PRSS23: variants seen among roughly 807,000 people sequenced by gnomAD.
PRSS23 encodes the protein protease, serine 23.
In PRSS23, 25 loss-of-function variants were observed where a neutral mutation model predicts 34.7. The ratio of observed to expected loss-of-function variants is 0.72; its 90% CI spans 0.53 to 1.01. The LOEUF is 1.01. PRSS23 is among the 50% of genes least tolerant of loss of function. PRSS23 has a pLI of 0.00. For synonymous variants in PRSS23, 176 were observed against 186.6 expected, an observed-to-expected ratio of 0.94 and a Z score of 0.46; for missense variants, 445 against 475.6, an observed-to-expected ratio of 0.94 and a Z score of 0.60.
intron 2 of PRSS23, among the ~76,000 whole-genome samples, chr11:86,869,030 C>T (rs1236170207): frequency 1.3e-5 from 2 of 152,102 alleles, no homozygotes; most frequent in Admixed American, 6.5e-5. Context: ...CCGGGCTGCT[C>T]TAAAAGTCCT....
intron 2 of PRSS23, among the ~76,000 whole-genome samples, chr11:86,928,072 G>A (rs1407629223): frequency 2.7e-5 from 4 of 150,720 alleles, no homozygotes; most frequent in Non-Finnish European, 2.9e-5. Context: ...CTACATAGAT[G>A]TATGTATGTA....
rs191130393 is a variant in PRSS23, at chr11:86,861,262, G to A, written c.206+37669G>A. Among the ~76,000 whole-genome samples the A allele has an allele frequency of 2.7e-4, 41 of 149,502 alleles. 1 individual carries two copies. Among genetic ancestry groups the A allele is most frequent in the South Asian group, 1.3e-3 (6 of 4,652 alleles). On this transcript the variant is annotated intron_variant, in intron 2 of 2. Transcript: ENST00000533902. ...GGGGGGCGATATTACTCTCAATGTCGCGGGGGGTGTCCACCCCCCTGTGAT... is the reference window on the plus strand; with the variant it reads ...GGGGGGCGATATTACTCTCAATGTCACGGGGGGTGTCCACCCCCCTGTGAT...
chr11:86,845,254 C>G (rs1948478265), intron 2 of PRSS23, among the ~76,000 whole-genome samples: 1 of 152,182 alleles, frequency 6.6e-6, no homozygotes, highest in Non-Finnish European at 1.5e-5. Context: ...GCAAAAGAAA[C>G]TCACTTGTTC....
At chr11:86,883,063 T>C (rs1948781580) in intron 2 of PRSS23, among the ~76,000 whole-genome samples, 1 of 152,248 alleles carries the variant, frequency 6.6e-6, no homozygotes, top group African/African-American at 2.4e-5. Flanking sequence ...TGTTTCTTTC[T>C]GGTAAATTTG....
rs146895719 is a variant in PRSS23, at chr11:86,951,747, G to T, written c.*462G>T. The T allele has an allele frequency of 1.1e-4, 184 of 1,614,036 alleles. No homozygotes were observed. The highest frequency in any genetic ancestry group is 1.4e-4 in the Non-Finnish European group (171 of 1,180,024). On this transcript the variant is annotated 3_prime_UTR_variant, in exon 3 of 3. Transcript: ENST00000533902. ...GAGCTGTGCATTTCAATGGCTTCAT[G>T]ACCCCATTTGAGTCCTGCTGCCAAA...
intron 2 of PRSS23, among the ~76,000 whole-genome samples, chr11:86,876,544 T>A (rs185182335): frequency 2.9e-4 from 44 of 152,280 alleles, no homozygotes; most frequent in African/African-American, 1.0e-3. Flanking sequence ...TAGTCTTGCC[T>A]CACTAACCAA....
At chr11:86,841,285 G>A (rs527971348) in intron 2 of PRSS23, among the ~76,000 whole-genome samples, 1 of 141,224 alleles carries the variant, frequency 7.1e-6, no homozygotes, top group Non-Finnish European at 1.5e-5. Context: ...GTTGCAATGA[G>A]CCAAGATTGA....
chr11:86,918,152 A>C (rs76420145), intron 2 of PRSS23, among the ~76,000 whole-genome samples: 8,304 of 152,292 alleles, frequency 0.055, 392 homozygotes, highest in African/African-American at 0.13. Context: ...ACCTTCACAA[A>C]GGATGAGCTC....
intron 2 of PRSS23, among the ~76,000 whole-genome samples, chr11:86,880,245 C>T (rs868316264): frequency 2.2e-4 from 33 of 151,216 alleles, no homozygotes; most frequent in African/African-American, 7.3e-4. Context: ...TGCTTGAAGG[C>T]AGCATGCTCA....
intron 2 of PRSS23, among the ~76,000 whole-genome samples, chr11:86,898,875 G>C (rs1321514401): frequency 1.3e-5 from 2 of 152,118 alleles, no homozygotes; most frequent in African/African-American, 4.8e-5. Flanking sequence ...GGTAGTCATG[G>C]GCACTCATCT....
intron 2 of PRSS23, chr11:86,946,722 G>A (rs1049048974): frequency 6.6e-6 from 1 of 152,534 alleles, no homozygotes; most frequent in Non-Finnish European, 1.5e-5. Context: ...TCTAACCCTG[G>A]AGGAAAAGTG....
chr11:86,923,633 TTAGAC>T (rs756273250), intron 2 of PRSS23, among the ~76,000 whole-genome samples: 3 of 152,206 alleles, frequency 2.0e-5, no homozygotes, highest in Non-Finnish European at 2.9e-5. Flanking sequence ...CATATGAACT[TTAGAC>T]TACAGTTTCT....
At chr11:86,903,426 T>C (rs1165031067) in intron 2 of PRSS23, among the ~76,000 whole-genome samples, 1 of 151,916 alleles carries the variant, frequency 6.6e-6, no homozygotes, top group African/African-American at 2.4e-5. Flanking sequence ...CCCAGCCCTA[T>C]ACAGTACCAC....
At chr11:86,938,465 C>T (rs1949179194) in intron 2 of PRSS23, among the ~76,000 whole-genome samples, 1 of 150,882 alleles carries the variant, frequency 6.6e-6, no homozygotes. Context: ...AGGAGTCCAG[C>T]ATGCAGGAGC....
rs536833570 is a variant in PRSS23, at chr11:86,938,707, T to A, written c.207-12509T>A. 6.4e-4 allele frequency among the ~76,000 whole-genome samples: 95 copies of A among 148,696 alleles called. 1 individual carries two copies. Among genetic ancestry groups the A allele is most frequent in the African/African-American group, 2.1e-3 (85 of 40,294 alleles). On this transcript the variant is annotated intron_variant, in intron 2 of 2. Transcript: ENST00000533902. ...GTGGTGCAAGGAGGCCAGATAGTCATCTGTCCTGGATGGCCTTCCGAGGGG... is the reference window on the plus strand; with the variant it reads ...GTGGTGCAAGGAGGCCAGATAGTCAACTGTCCTGGATGGCCTTCCGAGGGG...
chr11:86,793,949 T>C (rs1947966196), intron 1 of PRSS23, among the ~76,000 whole-genome samples: 1 of 152,072 alleles, frequency 6.6e-6, no homozygotes, highest in Non-Finnish European at 1.5e-5. Context: ...TAAGTTAAAC[T>C]TACAAATCTA....
At chr11:86,883,095 G>T (rs1326442623) in intron 2 of PRSS23, among the ~76,000 whole-genome samples, 1 of 152,104 alleles carries the variant, frequency 6.6e-6, no homozygotes, top group Admixed American at 6.6e-5. Context: ...TATAGATGCT[G>T]GATATTAGAC....
intron 2 of PRSS23, among the ~76,000 whole-genome samples, chr11:86,868,074 A>C (rs916493521): frequency 2.6e-5 from 4 of 151,912 alleles, no homozygotes; most frequent in Non-Finnish European, 5.9e-5. Context: ...GGAGGAAAAA[A>C]AAGTGAAGCC....
chr11:86,884,286 C>T (rs947396615), intron 2 of PRSS23, among the ~76,000 whole-genome samples: 1 of 152,108 alleles, frequency 6.6e-6, no homozygotes, highest in Non-Finnish European at 1.5e-5. Context: ...AATATTCTTG[C>T]ACTCATATTT....
Sources: gnomAD v4.1 joint callset for allele counts (sites outside exome capture counted in the v4.1 genomes callset) on GRCh38, gnomAD v4.1.1 for gene constraint, MANE v1.5 for transcripts, NCBI Gene and HGNC (gene_info 2026-07-23, HGNC 2026-07-21) for gene names.